The following DLC1 variants were observed in gnomAD, a reference collection of about 807,000 sequenced individuals.
DLC1 encodes rho GTPase-activating protein 7.
Under a neutral mutation model 140.3 loss-of-function variants are expected in DLC1, and 54 were observed. The observed-to-expected ratio is 0.38, with a 90% CI of 0.31 to 0.48. The LOEUF (loss-of-function observed/expected upper bound fraction) is 0.48, where lower values mean the gene tolerates loss of function less well. Ranked by LOEUF, DLC1 falls within the 20% of genes least tolerant of loss-of-function variation. The pLI, the probability that DLC1 is intolerant of heterozygous loss-of-function variation, is 0.96. For synonymous variants in DLC1, 986 were observed against 728.1 expected (o/e 1.35, Z -5.70); for missense variants, 2,536 against 1,907.0 (o/e 1.33, Z -6.14).
intron 1 of DLC1, among the ~76,000 whole-genome samples, chr8:13,550,767 T>G (rs1803818091): frequency 6.6e-6 from 1 of 152,074 alleles, no homozygotes; most frequent in Non-Finnish European, 1.5e-5. Flanking sequence ...TCAAGCTACA[T>G]GTTCCATATT....
intron 5 of DLC1, chr8:13,304,799 A>G (rs1331185578): frequency 1.0e-6 from 1 of 964,240 alleles, no homozygotes; most frequent in East Asian, 1.1e-4. Context: ...AACACAGAAA[A>G]ATACTATAAT....
upstream of DLC1, among the ~76,000 whole-genome samples, chr8:13,515,095 T>G (rs1049501247): frequency 4.6e-5 from 7 of 152,140 alleles, no homozygotes; most frequent in South Asian, 1.2e-3. Flanking sequence ...ACACTGCTTA[T>G]GAAAAAAGAA....
chr8:13,164,898 G>T (rs1173881940), intron 5 of DLC1, among the ~76,000 whole-genome samples: 3 of 152,186 alleles, frequency 2.0e-5, no homozygotes, highest in African/African-American at 7.2e-5. Context: ...AATTAGCAGA[G>T]ATTGTGAATC....
At chr8:13,558,799 G>T (rs1227980984) in intron 1 of DLC1, 12 of 152,080 alleles carry the variant, frequency 7.9e-5, no homozygotes. Flanking sequence ...CTCAATCTCT[G>T]TTCTTAGAAT....
At chr8:13,504,119 G>A (rs1390005779) in intron 1 of DLC1, among the ~76,000 whole-genome samples, 1 of 125,790 alleles carries the variant, frequency 7.9e-6, no homozygotes, top group Non-Finnish European at 1.6e-5. Context: ...ACATTTCAGA[G>A]AATTTTTTTT....
intron 5 of DLC1, among the ~76,000 whole-genome samples, chr8:13,179,750 C>A (rs982183823): frequency 6.6e-6 from 1 of 151,706 alleles, no homozygotes; most frequent in African/African-American, 2.4e-5. Flanking sequence ...GAAAAAACAC[C>A]CCAGGAAGCT....
intron 5 of DLC1, among the ~76,000 whole-genome samples, chr8:13,287,196 G>T (rs939191470): frequency 6.6e-6 from 1 of 152,134 alleles, no homozygotes; most frequent in Non-Finnish European, 1.5e-5. Flanking sequence ...TTACTGGCTT[G>T]GGCTTTCTGG....
intron 5 of DLC1, among the ~76,000 whole-genome samples, chr8:13,249,034 A>C (rs1270151923): frequency 6.6e-6 from 1 of 152,102 alleles, no homozygotes; most frequent in African/African-American, 2.4e-5. Flanking sequence ...TCCATTCCTC[A>C]GTGATGCCTC....
At chr8:13,550,212 T>C (rs540719379) in intron 1 of DLC1, among the ~76,000 whole-genome samples, 2 of 152,194 alleles carry the variant, frequency 1.3e-5, no homozygotes, top group South Asian at 4.1e-4. Context: ...GTGCTTGTGA[T>C]AGGGAGGGAG....
chr8:13,536,231 G>T (rs1396573897), intron 1 of DLC1: 1 of 152,204 alleles, frequency 6.6e-6, no homozygotes, highest in African/African-American at 2.4e-5. Flanking sequence ...CAAAGTGAAG[G>T]AAGGTCTGAT....
chr8:13,313,595 G>A (rs140275861), intron 4 of DLC1, among the ~76,000 whole-genome samples: 2 of 152,190 alleles, frequency 1.3e-5, no homozygotes, highest in Admixed American at 6.5e-5. Flanking sequence ...TCCTACTGTG[G>A]TATTTGTTAA....
At chr8:13,595,247 T>A (rs541321879) in intron 1 of DLC1, among the ~76,000 whole-genome samples, 2 of 152,232 alleles carry the variant, frequency 1.3e-5, no homozygotes, top group African/African-American at 4.8e-5. Context: ...CACAAGGATT[T>A]TTTTTAGAAA....
At chr8:13,157,982 C>T (rs571635635) in intron 5 of DLC1, among the ~76,000 whole-genome samples, 11 of 152,246 alleles carry the variant, frequency 7.2e-5, no homozygotes, top group South Asian at 2.1e-4. Context: ...TTGTTTGAAA[C>T]GAGATATCAT....
At chr8:13,542,362 C>T (rs530066726) in intron 1 of DLC1, among the ~76,000 whole-genome samples, 27 of 152,244 alleles carry the variant, frequency 1.8e-4, no homozygotes, top group South Asian at 1.2e-3. Context: ...TGACCATATG[C>T]GTAGGTCTAT....
chr8:13,564,322 C>G (rs996295984), intron 1 of DLC1, among the ~76,000 whole-genome samples: 1 of 152,140 alleles, frequency 6.6e-6, no homozygotes, highest in African/African-American at 2.4e-5. Flanking sequence ...GAGTGATATA[C>G]GATTCTTTCC....
At chr8:13,568,105 GT>G in intron 1 of DLC1, 1 of 803,836 alleles carries the variant, frequency 1.2e-6, no homozygotes, top group Non-Finnish European at 1.9e-6. Context: ...CACTGTTGTA[GT>G]TGGAATAGTT....
intron 4 of DLC1, among the ~76,000 whole-genome samples, chr8:13,352,463 C>G (rs1834721454): frequency 6.6e-6 from 1 of 152,124 alleles, no homozygotes; most frequent in East Asian, 1.9e-4. Flanking sequence ...CTTACTGTAG[C>G]CTTGACCTCC....
In DLC1 at chr8:13,310,637, C is replaced by T. The variant is rs890867597; in HGVS notation, c.1315-5335G>A. Among the ~76,000 whole-genome samples the T allele has an allele frequency of 3.3e-5, 5 of 152,210 alleles. No homozygotes were observed. In the East Asian group the frequency reaches 9.6e-4, roughly 29 times the overall value. ...TGGGAAAATGAGTTTGTTTTCATCTCTTCTTCATTTAAAGAGTCTTTTGAA... is the reference window on the plus strand; with the variant it reads ...TGGGAAAATGAGTTTGTTTTCATCTTTTCTTCATTTAAAGAGTCTTTTGAA... On this transcript the variant is annotated intron_variant, in intron 4 of 17. Transcript: ENST00000276297.
At chr8:13,505,999 C>T (rs1789759448) in intron 1 of DLC1, among the ~76,000 whole-genome samples, 1 of 152,152 alleles carries the variant, frequency 6.6e-6, no homozygotes, top group Admixed American at 6.5e-5. Context: ...TTGTATTCAT[C>T]CCATCAAATG....
Sources: gnomAD v4.1 joint callset for allele counts (sites outside exome capture counted in the v4.1 genomes callset) on GRCh38, gnomAD v4.1.1 for gene constraint, MANE v1.5 for transcripts, NCBI Gene and HGNC (gene_info 2026-07-23, HGNC 2026-07-21) for gene names.